Variants in PTPN21 observed in about 807,000 individuals in gnomAD.
The protein encoded by PTPN21 is protein tyrosine phosphatase non-receptor type 21.
Under a neutral mutation model 131.8 loss-of-function variants are expected in PTPN21, and 77 were observed. The observed-to-expected ratio is 0.58, with a 90% confidence interval of 0.49 to 0.71. The LOEUF (loss-of-function observed/expected upper bound fraction) is 0.71. Ranked by LOEUF, PTPN21 falls within the 30% of genes least tolerant of loss-of-function variation. PTPN21 has a pLI of 0.00. For synonymous variants in PTPN21, 715 were observed against 621.3 expected (o/e 1.15, Z -2.24); for missense variants, 1,552 against 1,527.1 (o/e 1.02, Z -0.27).
chr14:88,493,733 T>C (rs1212135727), intron 10 of PTPN21, among the ~76,000 whole-genome samples: 2 of 151,900 alleles, frequency 1.3e-5, no homozygotes, highest in Non-Finnish European at 2.9e-5. Flanking sequence ...AAAGAAAGGT[T>C]GTGGGAATTG....
Position 88,469,936 on chromosome 14 carries a change from C to G in PTPN21, c.2986G>C (p.Val996Leu). ...WEQGIAIIAM[V>L]TAEEEGGREK... ...TAAGTACCTACCTCTTCTGCTGTCA[C>G]CATTGCTATAATTGCAATTCCCTGT... Residue 996 changes from valine to leucine, a missense_variant, in exon 16 of 19, where the codon GTG becomes CTG. By Grantham distance (32) the Val-to-Leu change is conservative (BLOSUM62 1). Around this residue, in one of 4 missense-constraint regions of PTPN21, gnomAD observed 316 missense variants for 378.5 expected, o/e 0.83. Coordinates refer to ENST00000556564, the MANE Select transcript of PTPN21 (RefSeq NM_007039.4). The surrounding 1 kb of genome is among the most constrained non-coding windows in gnomAD (Gnocchi z 4.3). 6.2e-7 allele frequency: 1 copy of G among 1,614,094 alleles called. No individual in the cohort carries two copies. The highest frequency in any genetic ancestry group is 8.5e-7 in the Non-Finnish European group (1 of 1,180,016).
At position 88,509,738 on chromosome 14, in the gene PTPN21, C is replaced by CA. The variant is rs2078147678; in HGVS notation, c.351-1719dup. On this transcript the variant is annotated intron_variant, in intron 3 of 18. Transcript: ENST00000556564. ...AATATTCTAGGACTTTTCCTTAAAT[C>CA]AAAAACACTAGAAAGGGCTGGGTGC... Among the ~76,000 whole-genome samples, 7 of 152,232 alleles carry CA rather than the reference C, an allele frequency of 4.6e-5. No individual in the cohort carries two copies. In the South Asian group the frequency reaches 1.5e-3, roughly 32 times the overall value.
chr14:88,472,662 G>A (rs2077489678), intron 14 of PTPN21, among the ~76,000 whole-genome samples, 197 bp from the exon 15 acceptor site: 1 of 152,086 alleles, frequency 6.6e-6, no homozygotes, highest in African/African-American at 2.4e-5. Context: ...TTGAGCCTAG[G>A]AGTTCAGGAC....
chr14:88,504,693 A>C (rs2078062292), intron 5 of PTPN21, among the ~76,000 whole-genome samples, 198 bp from the exon 6 acceptor site: 2 of 152,068 alleles, frequency 1.3e-5, no homozygotes, highest in South Asian at 4.1e-4. Flanking sequence ...AAAAAAAAAA[A>C]CTTGCCCCAC....
chr14:88,477,412 G>GCA (rs2077561564), intron 13 of PTPN21, among the ~76,000 whole-genome samples: 1 of 116,122 alleles, frequency 8.6e-6, no homozygotes, highest in African/African-American at 3.3e-5. Context: ...TCACACCACT[G>GCA]CACTCCAGCC....
rs114860022 is a variant in PTPN21, at chr14:88,473,627, C to T, written c.2649+38G>A. ...ATTTGCGTAGTATTTACCGGTTGTT[C>T]CAGAGAAGGCACAAAGCCCTGTGTG... is the stretch of plus-strand genomic sequence containing the variant. On this transcript the variant is annotated intron_variant, in intron 14 of 18. Coordinates refer to ENST00000556564, the MANE Select transcript of PTPN21 (RefSeq NM_007039.4). The T allele has an allele frequency of 1.3e-3, 2,103 of 1,583,514 alleles. 19 individuals are homozygous for T. The African/African-American group carries it at 0.023, about 17-fold the overall frequency.
intron 10 of PTPN21, among the ~76,000 whole-genome samples, chr14:88,490,615 G>C (rs1360834693): frequency 6.6e-6 from 1 of 152,150 alleles, no homozygotes; most frequent in Non-Finnish European, 1.5e-5. Flanking sequence ...AGTAGGCCAA[G>C]AAGATGGGTA....
intron 2 of PTPN21, among the ~76,000 whole-genome samples, chr14:88,537,847 C>CA (rs1468609571): frequency 6.6e-6 from 1 of 152,188 alleles, no homozygotes; most frequent in Non-Finnish European, 1.5e-5. Context: ...ATATAGCCTA[C>CA]TGCTGCTAGG....
intron 14 of PTPN21, 110 bp downstream of exon 14, chr14:88,473,555 T>C: frequency 3.8e-6 from 5 of 1,332,602 alleles, no homozygotes; most frequent in Non-Finnish European, 5.2e-6. Context: ...TTAACACTCA[T>C]TTATTATTAA....
chr14:88,512,017 G>A (rs1005340013), intron 3 of PTPN21, among the ~76,000 whole-genome samples: 3 of 152,034 alleles, frequency 2.0e-5, no homozygotes, highest in Admixed American at 2.0e-4. Context: ...GTAGGCATCG[G>A]CATTTTTATT....
intron 2 of PTPN21, among the ~76,000 whole-genome samples, chr14:88,522,791 T>C (rs1456176686): frequency 6.6e-6 from 1 of 152,188 alleles, no homozygotes; most frequent in Admixed American, 6.5e-5. Flanking sequence ...AATGCTCTCT[T>C]AGAATTTCTA....
chr14:88,488,153 A>G (rs141968595), intron 10 of PTPN21, among the ~76,000 whole-genome samples: 2 of 152,264 alleles, frequency 1.3e-5, no homozygotes, highest in East Asian at 3.9e-4. Flanking sequence ...AGAAACTTTT[A>G]AAGTACTACA....
intron 2 of PTPN21, among the ~76,000 whole-genome samples, chr14:88,521,014 A>AT (rs1372741962): frequency 1.3e-5 from 2 of 151,366 alleles, no homozygotes; most frequent in African/African-American, 4.8e-5. Context: ...GGCTATATAT[A>AT]TATATTTTTT....
chr14:88,469,195 C>T lies in PTPN21; in HGVS notation c.3236-119G>A, dbSNP rs974949773. 23 of 1,169,148 alleles carry T rather than the reference C, an allele frequency of 2.0e-5. No homozygotes were observed. In the African/African-American group the frequency reaches 2.6e-4, roughly 13 times the overall value. The allele number at this position is 1,169,148 out of a possible 1,614,324, so 72.4% of individuals were successfully genotyped here. A position where few individuals can be genotyped will look rare whatever the true frequency, so the allele number is the denominator to read the frequency against. On this transcript the variant is annotated intron_variant, in intron 17 of 18. Coordinates refer to ENST00000556564, the MANE Select transcript of PTPN21 (RefSeq NM_007039.4). This position sits in a 1 kb window ranked among gnomAD's most constrained non-coding sequence, Gnocchi z 4.3. ...ACTGCAGATAAAGAGCACTGGGTGC[C>T]AGTGAACCAAACCCAACCACAAAGG...
At chr14:88,477,369 A>T (rs2077560979) in intron 13 of PTPN21, among the ~76,000 whole-genome samples, 1 of 146,754 alleles carries the variant, frequency 6.8e-6, no homozygotes, top group African/African-American at 2.5e-5. Flanking sequence ...GAATCGCTTG[A>T]ACCCAGGAGG....
chr14:88,509,075 G>A (rs2078140261), intron 3 of PTPN21, among the ~76,000 whole-genome samples: 1 of 152,018 alleles, frequency 6.6e-6, no homozygotes, highest in African/African-American at 2.4e-5. Flanking sequence ...ATATGTGAAG[G>A]ACCAAGAGCA....
At chr14:88,471,603 A>C (rs200302641) in intron 15 of PTPN21, among the ~76,000 whole-genome samples, 56,919 of 152,028 alleles carry the variant, frequency 0.37, 11,234 homozygotes, top group African/African-American at 0.5. Flanking sequence ...TTCAAAGAAA[A>C]AAAATGATAC....
In PTPN21 at chr14:88,479,095, G is replaced by C; in HGVS notation, c.2336C>G (p.Thr779Arg). Residue 779 changes from threonine (T) to arginine (R), a missense_variant, in exon 13 of 19, where the codon ACG becomes AGG. Around this residue, in one of 4 missense-constraint regions of PTPN21, gnomAD observed 1,016 missense variants for 883.5 expected, o/e 1.15. Transcript: ENST00000556564. ...CCAGGGCCGCTGGGCCTCTGCGGTC[G>C]TGCGGACGGGGCTGCTGTCCATCAT... ...KRMMDSSPVR[T>R]TAEAQRPWRD... 3.2e-6 allele frequency: 5 copies of C among 1,580,162 alleles called. No individual in the cohort carries two copies. The highest frequency in any genetic ancestry group is 4.3e-6 in the Non-Finnish European group (5 of 1,164,738).
At chr14:88,518,517 G>A (rs1423799283) in intron 2 of PTPN21, among the ~76,000 whole-genome samples, 3 of 126,944 alleles carry the variant, frequency 2.4e-5, no homozygotes, top group African/African-American at 6.0e-5. Context: ...TGCAACCTCC[G>A]CTTCCCAGGT....
Sources: gnomAD v4.1 joint callset for allele counts (sites outside exome capture counted in the v4.1 genomes callset) on GRCh38, gnomAD v4.1.1 for gene constraint, gnomAD v4.1.1 regional missense constraint, Gnocchi (gnomAD v3.1) non-coding constraint, MANE v1.5 for transcripts, NCBI Gene and HGNC (gene_info 2026-07-23, HGNC 2026-07-21) for gene names.